Variants in CDCA8 observed in about 807,000 individuals in gnomAD.
The protein encoded by CDCA8 is cell division cycle associated 8.
Under a neutral mutation model 40.0 loss-of-function variants are expected in CDCA8, and 25 were observed. The observed-to-expected ratio is 0.63, with a 90% CI of 0.46 to 0.87. The LOEUF is 0.87. CDCA8 is among the 40% of genes least tolerant of loss of function. The pLI is 0.00. For missense variants in CDCA8, 280 were observed against 348.4 expected (o/e 0.80, Z 1.56); for synonymous variants, 111 against 126.5 (o/e 0.88, Z 0.82).
intron 4 of CDCA8, among the ~76,000 whole-genome samples, chr1:37,699,397 G>A (rs1366149451): frequency 4.6e-5 from 7 of 152,076 alleles, no homozygotes; most frequent in African/African-American, 9.7e-5. Flanking sequence ...AGTTGAAAGC[G>A]AATTGAAAAA....
chr1:37,699,728 G>A (rs1645550970), intron 4 of CDCA8, among the ~76,000 whole-genome samples: 1 of 152,134 alleles, frequency 6.6e-6, no homozygotes, highest in African/African-American at 2.4e-5. Context: ...GACCATCCTG[G>A]CTAATACGGT....
At chr1:37,699,459 C>T (rs910740528) in intron 4 of CDCA8, among the ~76,000 whole-genome samples, 2 of 152,068 alleles carry the variant, frequency 1.3e-5, no homozygotes, top group Non-Finnish European at 2.9e-5. Flanking sequence ...AGGCCAGGTG[C>T]GGTAGCTCAC....
At chr1:37,697,549 T>C (rs138463869) in intron 3 of CDCA8, among the ~76,000 whole-genome samples, 66 of 152,334 alleles carry the variant, frequency 4.3e-4, no homozygotes, top group Middle Eastern at 6.8e-3. Context: ...GCATGAGCCA[T>C]ATTGTTTGCA....
At chr1:37,693,184 A>T in intron 2 of CDCA8, 151 bp downstream of exon 2, 2 of 182,832 alleles carry the variant, frequency 1.1e-5, no homozygotes, top group Non-Finnish European at 1.8e-5. Flanking sequence ...TCTCTGTCTC[A>T]CTTCCCTACT....
intron 8 of CDCA8, among the ~76,000 whole-genome samples, chr1:37,706,114 T>C (rs1049724084): frequency 1.3e-5 from 2 of 148,682 alleles, no homozygotes; most frequent in Non-Finnish European, 3.0e-5. Flanking sequence ...CACCTTTTTT[T>C]TTTTTTTTTT....
Position 37,708,660 on chromosome 1 carries a change from T to A in CDCA8, c.*294T>A. 2.2e-6 allele frequency: 1 copy of A among 450,500 alleles called. No homozygotes were observed. Among genetic ancestry groups the A allele is most frequent in the Non-Finnish European group, 4.1e-6 (1 of 244,940 alleles). The allele number at this position is 450,500 out of a possible 1,614,324, so 27.9% of individuals were successfully genotyped here. ...CTCTGAGCTGCTGCCTTTTGCCTCC[T>A]GCAACTCAACATCCTCTTCACCCTG... On this transcript the variant is annotated 3_prime_UTR_variant, in exon 10 of 10. Coordinates refer to ENST00000373055, the MANE Select transcript of CDCA8 (RefSeq NM_001256875.2).
At position 37,700,453 on chromosome 1, in the gene CDCA8, G is replaced by T. The variant is rs1645556284; in HGVS notation, c.355G>T (p.Val119Leu). ...KSAKTRKVIQ[V>L]DEMIVEEEEE... ...TCTTACAGCACGAAAGGTAATACAG[G>T]TAGATGAAATGATAGTGGAAGAGGA... is the stretch of plus-strand genomic sequence containing the variant. The change falls in exon 5 of 10, where the codon GTA becomes TTA. Residue 119 changes from valine (V) to leucine (L), a missense_variant. Transcript: ENST00000373055. The T allele has an allele frequency of 3.1e-6, 5 of 1,607,532 alleles. No homozygotes were observed. Among genetic ancestry groups the T allele is most frequent in the Non-Finnish European group, 4.3e-6 (5 of 1,174,230 alleles).
rs1169961715 is a variant in CDCA8 at position 37,700,421 on chromosome 1, A to G, written c.338-15A>G. 1.3e-6 allele frequency: 2 copies of G among 1,516,052 alleles called. No homozygotes were observed. Among genetic ancestry groups the G allele is most frequent in the Non-Finnish European group, 1.8e-6 (2 of 1,091,766 alleles). The allele number at this position is 1,516,052 out of a possible 1,614,324, so 93.9% of individuals were successfully genotyped here. A position where few individuals can be genotyped will look rare whatever the true frequency, so the allele number is the denominator to read the frequency against. ...TTCATCAGAAATACCACCCTGTTGAAACTGTTTCTTACAGCACGAAAGGTA... is the reference window on the plus strand; with the variant it reads ...TTCATCAGAAATACCACCCTGTTGAGACTGTTTCTTACAGCACGAAAGGTA... On this transcript the variant is annotated splice_polypyrimidine_tract_variant and intron_variant, in intron 4 of 9. Transcript: ENST00000373055.
chr1:37,698,087 A>G (rs1645539421), intron 3 of CDCA8, among the ~76,000 whole-genome samples: 1 of 152,250 alleles, frequency 6.6e-6, no homozygotes, highest in East Asian at 1.9e-4. Flanking sequence ...CAGGATCATC[A>G]TAGAAAACCT....
chr1:37,699,358 A>G (rs1645547408), intron 4 of CDCA8, among the ~76,000 whole-genome samples: 1 of 152,240 alleles, frequency 6.6e-6, no homozygotes, highest in Non-Finnish European at 1.5e-5. Flanking sequence ...GGTAACACCA[A>G]CTGAGACGCT....
chr1:37,697,788 A>G (rs1001818842), intron 3 of CDCA8, among the ~76,000 whole-genome samples: 1 of 152,260 alleles, frequency 6.6e-6, no homozygotes, highest in Non-Finnish European at 1.5e-5. Context: ...GTTGGCAGGA[A>G]TGCCCCTACT....
intron 5 of CDCA8, 74 bp downstream of exon 5, chr1:37,700,595 T>A: frequency 1.1e-6 from 1 of 869,618 alleles, no homozygotes; most frequent in South Asian, 1.3e-5. Context: ...AATACACTGT[T>A]GTACACCAGA....
intron 3 of CDCA8, among the ~76,000 whole-genome samples, chr1:37,697,888 G>A (rs1265965158): frequency 6.6e-6 from 1 of 152,256 alleles, no homozygotes; most frequent in Non-Finnish European, 1.5e-5. Context: ...CCTTCTCTGA[G>A]TATGTCAAGC....
At chr1:37,704,787 A>G (rs1406943675) in intron 7 of CDCA8, among the ~76,000 whole-genome samples, 1 of 152,028 alleles carries the variant, frequency 6.6e-6, no homozygotes, top group Non-Finnish European at 1.5e-5. Context: ...AGCTGAGATT[A>G]TAGGTACATG....
At chr1:37,703,136 G>A (rs1487731741) in intron 6 of CDCA8, 116 bp from the exon 7 acceptor site, 9 of 790,130 alleles carry the variant, frequency 1.1e-5, no homozygotes, top group Non-Finnish European at 2.0e-5. Flanking sequence ...GTGAGTCGAT[G>A]TGTGCGAGGC....
In CDCA8 at chr1:37,692,607, TC is replaced by T. The variant is rs1249680801; in HGVS notation, c.-80del. ...CGTGCCTGGCGACTTCTTCGGGTGG[TC>T]CCCGTCCGCCCTCCTCGTCCCTACC... On this transcript the variant is annotated 5_prime_UTR_variant, in exon 1 of 10. Transcript: ENST00000373055. 3.6e-6 allele frequency: 4 copies of T among 1,107,130 alleles called. No homozygotes were observed. The highest frequency in any genetic ancestry group is 5.4e-6 in the Non-Finnish European group (4 of 742,192). 68.6% of individuals were successfully genotyped at this position (1,107,130 alleles called of 1,614,324 possible). A position where few individuals can be genotyped will look rare whatever the true frequency, so the allele number is the denominator to read the frequency against.
rs537626033 is a variant in CDCA8, at chr1:37,705,796, T to G, written c.711+229T>G. Among the ~76,000 whole-genome samples the G allele has an allele frequency of 2.0e-5, 3 of 150,226 alleles. No individual in the cohort carries two copies. The East Asian group carries it at 5.8e-4, about 29-fold the overall frequency. On this transcript the variant is annotated intron_variant, in intron 8 of 9. Transcript: ENST00000373055. ...TGTTTTTCTGTTTTTTGGTTTTGTTTTTGTTTTTTGTGGGTTTTTTTTTTT... is the reference window on the plus strand; with the variant it reads ...TGTTTTTCTGTTTTTTGGTTTTGTTGTTGTTTTTTGTGGGTTTTTTTTTTT...
chr1:37,705,417 T>G (rs1645591563), intron 7 of CDCA8, 24 bp from the exon 8 acceptor site: 1 of 1,608,728 alleles, frequency 6.2e-7, no homozygotes, highest in African/African-American at 1.3e-5. Context: ...CCAAGCTATC[T>G]TCACAGAGAT....
chr1:37,698,146 A>G (rs575365175), intron 3 of CDCA8, among the ~76,000 whole-genome samples: 1 of 152,264 alleles, frequency 6.6e-6, no homozygotes, highest in African/African-American at 2.4e-5. Flanking sequence ...TTGACACACC[A>G]CCAAGTGTTG....
Sources: gnomAD v4.1 joint callset for allele counts (sites outside exome capture counted in the v4.1 genomes callset) on GRCh38, gnomAD v4.1.1 for gene constraint, MANE v1.5 for transcripts, NCBI Gene and HGNC (gene_info 2026-07-23, HGNC 2026-07-21) for gene names.